SPECC1: variants seen among roughly 807,000 people sequenced by gnomAD.
SPECC1 encodes cytospin-B.
Under a neutral mutation model 104.1 loss-of-function variants are expected in SPECC1, and 62 were observed. The observed-to-expected ratio is 0.60, with a 90% CI of 0.49 to 0.74. The LOEUF is 0.74. Among genes scored for constraint, SPECC1 ranks in the 30% least tolerant of loss-of-function variants. The pLI is 0.00. For synonymous variants in SPECC1, 513 were observed against 501.6 expected (o/e 1.02, Z -0.30); for missense variants, 1,306 against 1,310.5 (o/e 1.00, Z 0.05).
chr17:20,310,672 G>A (rs1051065024), intron 14 of SPECC1, among the ~76,000 whole-genome samples: 6 of 152,226 alleles, frequency 3.9e-5, no homozygotes, highest in Non-Finnish European at 5.9e-5. Context: ...CATGAGGGCT[G>A]TTGCTCACTG....
intron 10 of SPECC1, 55 bp from the exon 11 acceptor site, chr17:20,257,396 T>G: frequency 6.6e-7 from 1 of 1,517,084 alleles, no homozygotes; most frequent in South Asian, 1.3e-5. Flanking sequence ...TGAAGTATGA[T>G]GGCAGTCAAG....
intron 3 of SPECC1, among the ~76,000 whole-genome samples, chr17:20,188,778 C>T (rs774991403): frequency 2.0e-5 from 3 of 152,136 alleles, no homozygotes; most frequent in Non-Finnish European, 4.4e-5. Flanking sequence ...ACATAGTAAA[C>T]TCCGATTCAA....
At chr17:20,169,282 G>A (rs948711284) in intron 3 of SPECC1, among the ~76,000 whole-genome samples, 1 of 152,148 alleles carries the variant, frequency 6.6e-6, no homozygotes, top group African/African-American at 2.4e-5. Flanking sequence ...CTACTCAGGG[G>A]CATAGATACA....
At chr17:20,221,250 T>C (rs2037856119) in intron 4 of SPECC1, among the ~76,000 whole-genome samples, 1 of 152,222 alleles carries the variant, frequency 6.6e-6, no homozygotes, top group Admixed American at 6.5e-5. Context: ...TATTTTTCTT[T>C]AAATGTTTGG....
intron 1 of SPECC1, among the ~76,000 whole-genome samples, chr17:20,081,395 G>GT (rs2046968549): frequency 6.6e-6 from 1 of 152,004 alleles, no homozygotes; most frequent in Non-Finnish European, 1.5e-5. Flanking sequence ...TTTGGGCCTG[G>GT]TTTTTTTTCC....
rs546456589 is a variant in SPECC1, at chr17:20,096,633, C to G, written c.-19C>G. On this transcript the variant is annotated splice_region_variant and 5_prime_UTR_variant, in exon 2 of 15. Coordinates refer to ENST00000395527, the MANE Select transcript of SPECC1 (RefSeq NM_001243439.2). ...TTTTCTTTTCTGCTCTTTTGCAGGA[C>G]AGACCCACGAAGTCAAGCATGCGGA... The G allele has an allele frequency of 4.5e-5, 73 of 1,604,698 alleles. 1 individual carries two copies. In the South Asian group the frequency reaches 7.5e-4, roughly 16 times the overall value.
At position 20,316,175 on chromosome 17, in the gene SPECC1, T is replaced by A. The variant is rs748784017; in HGVS notation, c.*2110T>A. The stretch of plus-strand genomic sequence containing the variant: ...AGGCACTTGTTTGAAGCATTTTTTT[T>A]TTATTAACCCTGTACTTCTTCTTTG... On this transcript the variant is annotated 3_prime_UTR_variant, in exon 15 of 15. Coordinates refer to ENST00000395527, the MANE Select transcript of SPECC1 (RefSeq NM_001243439.2). 1.1e-3 allele frequency: 251 copies of A among 231,338 alleles called. 1 individual carries two copies. The highest frequency in any genetic ancestry group is 1.7e-3 in the Non-Finnish European group (198 of 116,868). The allele number at this position is 231,338 out of a possible 1,614,324, so 14.3% of individuals were successfully genotyped here.
chr17:20,203,749 C>T (rs1022758487), intron 3 of SPECC1, among the ~76,000 whole-genome samples: 19 of 152,178 alleles, frequency 1.2e-4, no homozygotes, highest in African/African-American at 4.3e-4. Context: ...CCAACATTAT[C>T]AGTGCAGATG....
rs1053724911 is a variant in SPECC1, at chr17:20,137,211, G to A, written c.283+26649G>A. ...CTGAGCACATCAAGAACGCCTGCAC[G>A]GTTACACTGGTTTATTTAGGAACCG... is the stretch of plus-strand genomic sequence containing the variant. On this transcript the variant is annotated intron_variant, in intron 3 of 14. Coordinates refer to ENST00000395527, the MANE Select transcript of SPECC1 (RefSeq NM_001243439.2). 2.6e-5 allele frequency among the ~76,000 whole-genome samples: 4 copies of A among 152,304 alleles called. No homozygotes were observed. In the East Asian group the frequency reaches 7.7e-4, roughly 29 times the overall value.
chr17:20,269,953 G>A (rs1437955109), intron 12 of SPECC1, among the ~76,000 whole-genome samples: 1 of 152,196 alleles, frequency 6.6e-6, no homozygotes, highest in Non-Finnish European at 1.5e-5. Context: ...CACTGACACA[G>A]GCTGCAGTAT....
intron 1 of SPECC1, among the ~76,000 whole-genome samples, chr17:20,034,794 G>A (rs549567931): frequency 3.3e-5 from 5 of 151,928 alleles, no homozygotes; most frequent in African/African-American, 1.2e-4. Context: ...TAGTAGAGAT[G>A]GGGCTTCTCC....
intron 3 of SPECC1, among the ~76,000 whole-genome samples, chr17:20,184,739 G>A (rs565688489): frequency 1.3e-5 from 2 of 152,146 alleles, no homozygotes; most frequent in Non-Finnish European, 2.9e-5. Flanking sequence ...AGAGAGGGCC[G>A]GCTTTATTAT....
At chr17:20,141,124 A>G (rs916978751) in intron 3 of SPECC1, among the ~76,000 whole-genome samples, 4 of 152,184 alleles carry the variant, frequency 2.6e-5, no homozygotes, top group Non-Finnish European at 5.9e-5. Context: ...TCACCTGGAA[A>G]GGACCCGCTC....
intron 1 of SPECC1, among the ~76,000 whole-genome samples, chr17:20,081,557 C>G (rs1053745951): frequency 1.1e-4 from 16 of 151,954 alleles, no homozygotes; most frequent in African/African-American, 3.9e-4. Context: ...GTGATGGGAT[C>G]TGACCTACAT....
Position 20,296,968 on chromosome 17 carries a change from A to AG in SPECC1, c.2948_2949insG (p.Asp983GlufsTer34), listed in dbSNP as rs2041374518. 1 of 1,613,966 alleles carries AG rather than the reference A, an allele frequency of 6.2e-7. No individual in the cohort carries two copies. The highest frequency in any genetic ancestry group is 8.5e-7 in the Non-Finnish European group (1 of 1,179,974). On this transcript the variant is annotated frameshift_variant, in exon 13 of 15. Transcript: ENST00000395527. LOFTEE classifies it high-confidence loss of function. ...TACTTTTCTCTCCTGCAGAACATTG[A>AG]CATCACCAATTTCAGCAGCAGCTGG...
intron 10 of SPECC1, 102 bp downstream of exon 10, chr17:20,253,688 C>A: frequency 1.8e-6 from 2 of 1,103,822 alleles, no homozygotes; most frequent in Non-Finnish European, 2.6e-6. Flanking sequence ...TAATCAGTGG[C>A]ATTTCTTGCA....
chr17:20,201,291 C>G (rs1205868216), intron 3 of SPECC1, among the ~76,000 whole-genome samples: 1 of 150,190 alleles, frequency 6.7e-6, no homozygotes, highest in Non-Finnish European at 1.5e-5. Context: ...GAAACCCCAT[C>G]TCTACTAAAA....
At chr17:20,139,876 A>G (rs1336482069) in intron 3 of SPECC1, among the ~76,000 whole-genome samples, 5 of 152,016 alleles carry the variant, frequency 3.3e-5, no homozygotes, top group African/African-American at 1.2e-4. Flanking sequence ...GGGTTTCGCT[A>G]TGTTGGCCAG....
chr17:20,181,666 A>AT (rs1442941141), intron 3 of SPECC1, among the ~76,000 whole-genome samples: 2 of 152,180 alleles, frequency 1.3e-5, no homozygotes, highest in African/African-American at 4.8e-5. Context: ...TGACCTAAGA[A>AT]TAAGAGAATT....
Sources: gnomAD v4.1 joint callset for allele counts (sites outside exome capture counted in the v4.1 genomes callset) on GRCh38, gnomAD v4.1.1 for gene constraint, MANE v1.5 for transcripts, NCBI Gene and HGNC (gene_info 2026-07-23, HGNC 2026-07-21) for gene names.